The following GPR160 variants were observed in gnomAD, a reference collection of about 807,000 sequenced individuals.
GPR160 encodes G protein-coupled receptor 160, also known as probable G protein-coupled receptor 160.
Under a neutral mutation model 2.6 loss-of-function variants are expected in GPR160, and 2 were observed. The observed-to-expected ratio is 0.77, with a 90% CI of 0.32 to 2.44. The LOEUF (loss-of-function observed/expected upper bound fraction) is 2.44. Among genes scored for constraint, GPR160 ranks in the 30% most tolerant of loss-of-function variants. The probability of loss-of-function intolerance (pLI) is 0.11; values close to 1 mark genes in which losing one functional copy is unlikely to be tolerated. For missense variants in GPR160, 351 were observed against 383.6 expected, an observed-to-expected ratio of 0.91 and a Z score of 0.71; for synonymous variants, 130 against 132.2, an observed-to-expected ratio of 0.98 and a Z score of 0.12.
intron 2 of GPR160, among the ~76,000 whole-genome samples, chr3:170,072,370 C>T (rs971773505): frequency 3.9e-5 from 6 of 152,108 alleles, no homozygotes; most frequent in South Asian, 2.1e-4. Context: ...CCACCGTGCC[C>T]GGCCTCTACT....
In GPR160 at chr3:170,085,193, A is replaced by G. The variant is rs1425039991; in HGVS notation, c.*204A>G. ...AACAAAATAATTCCAAGAAGTTTTTATAGTTATTCAGGGACACTATATTAC... is the reference window on the plus strand; with the variant it reads ...AACAAAATAATTCCAAGAAGTTTTTGTAGTTATTCAGGGACACTATATTAC... On this transcript the variant is annotated 3_prime_UTR_variant, in exon 4 of 4. Transcript: ENST00000355897. The G allele has an allele frequency of 5.4e-6, 2 of 370,696 alleles. No homozygotes were observed. Among genetic ancestry groups the G allele is most frequent in the Non-Finnish European group, 5.0e-6 (1 of 200,610 alleles). The allele number at this position is 370,696 out of a possible 1,614,324, so 23.0% of individuals were successfully genotyped here.
At position 170,084,372 on chromosome 3, in the gene GPR160, T is replaced by G. The variant is rs1713302830; in HGVS notation, c.400T>G (p.Cys134Gly). ...FSKTTKLSFK[C>G]QKLFYFFTVI... is the part of the protein sequence containing the mutation. ...TAAAACAACCAAGCTTTCATTTAAG[T>G]GTCAAAAATTATTTTATTTCTTTAC... The change falls in exon 4 of 4, where the codon TGT becomes GGT. Residue 134 changes from cysteine (C) to glycine (G), a missense_variant. Transcript: ENST00000355897. The G allele has an allele frequency of 1.2e-6, 2 of 1,607,732 alleles. No individual in the cohort carries two copies. The highest frequency in any genetic ancestry group is 1.1e-5 in the South Asian group (1 of 90,530).
At chr3:170,046,723 G>A (rs992463596) in intron 2 of GPR160, among the ~76,000 whole-genome samples, 2 of 152,096 alleles carry the variant, frequency 1.3e-5, no homozygotes, top group African/African-American at 4.8e-5. Context: ...TCCTAAAAGG[G>A]CTATCTGGTT....
At chr3:170,063,224 A>G (rs1043934400) in intron 2 of GPR160, 3 of 146,126 alleles carry the variant, frequency 2.1e-5, no homozygotes, top group Non-Finnish European at 4.5e-5. Context: ...TGTGCTTCCC[A>G]TGCATGCAGT....
chr3:170,072,317 C>T (rs913545375), intron 2 of GPR160, among the ~76,000 whole-genome samples: 9 of 152,038 alleles, frequency 5.9e-5, no homozygotes, highest in African/African-American at 1.9e-4. Context: ...TCAAGTGATC[C>T]ACCTGCCTCA....
intron 2 of GPR160, among the ~76,000 whole-genome samples, chr3:170,058,447 A>T (rs552710625): frequency 1.2e-3 from 181 of 152,352 alleles, no homozygotes; most frequent in African/African-American, 4.2e-3. Flanking sequence ...TGCCTGGGAA[A>T]AAGAAGGGAA....
chr3:170,064,986 T>C (rs1218931429), intron 2 of GPR160, among the ~76,000 whole-genome samples: 2 of 152,282 alleles, frequency 1.3e-5, no homozygotes, highest in Admixed American at 1.3e-4. Flanking sequence ...AGAAAGTCTC[T>C]TCCCCCAGTC....
At chr3:170,071,880 GTTTTTGAGGCTTTT>G (rs892598587) in intron 2 of GPR160, among the ~76,000 whole-genome samples, 9 of 152,050 alleles carry the variant, frequency 5.9e-5, no homozygotes, top group African/African-American at 2.2e-4. Flanking sequence ...AACATAACAT[GTTTTTGAGGCTTTT>G]TTTTTGAGGC....
intron 2 of GPR160, among the ~76,000 whole-genome samples, chr3:170,049,536 A>G (rs1161779133): frequency 6.6e-6 from 1 of 152,218 alleles, no homozygotes; most frequent in Non-Finnish European, 1.5e-5. Flanking sequence ...AAAATGCCGC[A>G]GGAGTATACA....
At chr3:170,082,969 T>C (rs1201959458) in intron 3 of GPR160, among the ~76,000 whole-genome samples, 1 of 138,112 alleles carries the variant, frequency 7.2e-6, no homozygotes, top group Non-Finnish European at 1.6e-5. Context: ...TTGTCATTTT[T>C]GGGGTTTTTT....
At chr3:170,075,632 T>C (rs1304813764) in intron 2 of GPR160, among the ~76,000 whole-genome samples, 4 of 152,092 alleles carry the variant, frequency 2.6e-5, no homozygotes, top group Non-Finnish European at 5.9e-5. Flanking sequence ...CCCCAGCCCA[T>C]GATGGGGAAG....
At chr3:170,082,595 CTTG>C (rs1713189206) in intron 3 of GPR160, among the ~76,000 whole-genome samples, 1 of 151,930 alleles carries the variant, frequency 6.6e-6, no homozygotes, top group African/African-American at 2.4e-5. Flanking sequence ...TCGTTTCTTT[CTTG>C]TTTTTTTCTT....
At position 170,052,976 on chromosome 3, in the gene GPR160, C is replaced by CAA. The variant is rs570313679; in HGVS notation, c.-193+13933_-193+13934insAA. ...AGTGTGTTGAAAAGACTTTCCTTTC[C>CAA]TCCATTGAATTGCATTGGTACTTTC... is the stretch of plus-strand genomic sequence containing the variant. On this transcript the variant is annotated intron_variant, in intron 2 of 3. Coordinates refer to ENST00000355897, the MANE Select transcript of GPR160 (RefSeq NM_014373.3). 7.5e-3 allele frequency among the ~76,000 whole-genome samples: 1,139 copies of CAA among 152,186 alleles called. 4 individuals carry two copies. Among genetic ancestry groups the CAA allele is most frequent in the South Asian group, 0.016 (79 of 4,824 alleles).
At chr3:170,058,624 T>A (rs1331795598) in intron 2 of GPR160, among the ~76,000 whole-genome samples, 1 of 152,188 alleles carries the variant, frequency 6.6e-6, no homozygotes, top group Non-Finnish European at 1.5e-5. Context: ...GCAGTCCCTA[T>A]GAAGGAAAAA....
At chr3:170,079,720 G>C (rs1037076990) in intron 2 of GPR160, 54 bp from the exon 3 acceptor site, 1 of 152,162 alleles carries the variant, frequency 6.6e-6, no homozygotes, top group Non-Finnish European at 1.5e-5. Flanking sequence ...CTGGACTCTT[G>C]CTATTAAGAT....
At chr3:170,079,971 C>T (rs1713042888) in intron 3 of GPR160, 74 bp downstream of exon 3, 1 of 152,122 alleles carries the variant, frequency 6.6e-6, no homozygotes, top group Non-Finnish European at 1.5e-5. Context: ...GAAACGAAAT[C>T]ATGGTTTGTT....
At chr3:170,071,874 T>A (rs889049098) in intron 2 of GPR160, among the ~76,000 whole-genome samples, 4 of 152,098 alleles carry the variant, frequency 2.6e-5, no homozygotes, top group African/African-American at 9.7e-5. Context: ...TGGCCTAACA[T>A]AACATGTTTT....
At chr3:170,063,450 C>T (rs2108329777) in intron 2 of GPR160, among the ~76,000 whole-genome samples, 1 of 148,840 alleles carries the variant, frequency 6.7e-6, no homozygotes, top group East Asian at 2.0e-4. Context: ...AGGAGAATCG[C>T]TTGAACCCAG....
intron 2 of GPR160, among the ~76,000 whole-genome samples, chr3:170,078,264 AG>A (rs1158613318): frequency 6.6e-6 from 1 of 152,162 alleles, no homozygotes; most frequent in Non-Finnish European, 1.5e-5. Flanking sequence ...GGCCTTAGTT[AG>A]GGCTGCTTGG....
Sources: allele counts gnomAD v4.1 joint callset (sites outside exome capture counted in the v4.1 genomes callset), GRCh38; gene constraint gnomAD v4.1.1; transcripts MANE v1.5; gene names NCBI Gene and HGNC (gene_info 2026-07-23, HGNC 2026-07-21).